Variants in CPQ observed in about 807,000 individuals in gnomAD.
The protein encoded by CPQ is carboxypeptidase Q.
In CPQ, 37 loss-of-function variants were observed where a neutral mutation model predicts 45.7. That is an observed-to-expected ratio of 0.81 (90% CI 0.62 to 1.07). The LOEUF (loss-of-function observed/expected upper bound fraction) is 1.07, where lower values mean the gene tolerates loss of function less well. Ranked by LOEUF, CPQ falls within the 50% of genes least tolerant of loss-of-function variation. The pLI is 0.00. For missense variants in CPQ, 537 were observed against 572.9 expected, an observed-to-expected ratio of 0.94 and a Z score of 0.64; for synonymous variants, 186 against 205.8, an observed-to-expected ratio of 0.90 and a Z score of 0.82.
chr8:96,901,755 C>A (rs1812514395), intron 4 of CPQ, among the ~76,000 whole-genome samples: 1 of 152,140 alleles, frequency 6.6e-6, no homozygotes, highest in Non-Finnish European at 1.5e-5. Flanking sequence ...TCTGTCATTT[C>A]ATAGCCATAG....
intron 1 of CPQ, among the ~76,000 whole-genome samples, chr8:96,782,875 T>C (rs1383562145): frequency 2.0e-5 from 3 of 152,194 alleles, no homozygotes; most frequent in Admixed American, 1.3e-4. Context: ...GGACACACTT[T>C]AGCCAAGTTT....
chr8:96,987,556 G>T (rs1809008524), intron 5 of CPQ, among the ~76,000 whole-genome samples: 1 of 152,170 alleles, frequency 6.6e-6, no homozygotes, highest in African/African-American at 2.4e-5. Flanking sequence ...CAGAAAATCA[G>T]ATGAGAAGTC....
intron 1 of CPQ, among the ~76,000 whole-genome samples, chr8:96,707,687 GA>G: frequency 6.7e-6 from 1 of 150,312 alleles, no homozygotes; most frequent in Non-Finnish European, 1.5e-5. Context: ...ATGAATGAAT[GA>G]ATGATTTTTT....
chr8:97,119,898 T>G (rs1029861685), intron 7 of CPQ, among the ~76,000 whole-genome samples: 1 of 152,130 alleles, frequency 6.6e-6, no homozygotes, highest in African/African-American at 2.4e-5. Flanking sequence ...GCCATTTTAG[T>G]CCATGATCAA....
chr8:96,678,299 A>C (rs1809102108), intron 1 of CPQ, among the ~76,000 whole-genome samples: 1 of 152,104 alleles, frequency 6.6e-6, no homozygotes, highest in African/African-American at 2.4e-5. Flanking sequence ...CCACCTATCC[A>C]TGAGCATGGG....
At chr8:96,862,470 AT>A (rs1168317076) in intron 3 of CPQ, among the ~76,000 whole-genome samples, 5 of 152,060 alleles carry the variant, frequency 3.3e-5, no homozygotes, top group African/African-American at 7.2e-5. Context: ...AATAAAAAAA[AT>A]AATTTGTGAT....
At chr8:96,928,481 A>G (rs1420859392) in intron 4 of CPQ, among the ~76,000 whole-genome samples, 1 of 151,842 alleles carries the variant, frequency 6.6e-6, no homozygotes, top group African/African-American at 2.4e-5. Flanking sequence ...TGTGTTTAGC[A>G]GCAGATAGGC....
chr8:96,660,982 C>G (rs1815694867), intron 1 of CPQ, among the ~76,000 whole-genome samples: 1 of 152,102 alleles, frequency 6.6e-6, no homozygotes, highest in African/African-American at 2.4e-5. Flanking sequence ...TCTTCTTTCA[C>G]TAGCTTTCTG....
At chr8:96,908,559 A>G (rs934034795) in intron 4 of CPQ, among the ~76,000 whole-genome samples, 5 of 152,158 alleles carry the variant, frequency 3.3e-5, no homozygotes, top group African/African-American at 9.7e-5. Context: ...TCAGAGAAAA[A>G]TCTGAAGGCA....
At chr8:96,919,845 A>G (rs1812783970) in intron 4 of CPQ, among the ~76,000 whole-genome samples, 1 of 152,194 alleles carries the variant, frequency 6.6e-6, no homozygotes. Flanking sequence ...AAGTCCAGTT[A>G]GGGTTAAGAT....
At chr8:96,760,833 A>C (rs1810392048) in intron 1 of CPQ, 1 of 152,176 alleles carries the variant, frequency 6.6e-6, no homozygotes, top group Non-Finnish European at 1.5e-5. Context: ...TAATTTCAAA[A>C]TCTATGCAGC....
chr8:96,881,327 G>A (rs1016605624), intron 4 of CPQ, among the ~76,000 whole-genome samples: 7 of 152,142 alleles, frequency 4.6e-5, no homozygotes, highest in African/African-American at 1.7e-4. Context: ...GGCAAAGGGG[G>A]AGTGAGGTGT....
chr8:96,709,818 A>T (rs1190121425), intron 1 of CPQ, among the ~76,000 whole-genome samples: 1 of 152,144 alleles, frequency 6.6e-6, no homozygotes, highest in Non-Finnish European at 1.5e-5. Flanking sequence ...ATTAATGTTC[A>T]TCAGGAATAT....
chr8:96,853,177 G>T (rs528069186), intron 3 of CPQ, among the ~76,000 whole-genome samples: 35 of 152,302 alleles, frequency 2.3e-4, no homozygotes, highest in Middle Eastern at 3.4e-3. Flanking sequence ...GATTTTGTTG[G>T]CCCTCACTTT....
intron 6 of CPQ, among the ~76,000 whole-genome samples, chr8:97,032,831 G>A (rs767247325): frequency 2.0e-5 from 3 of 152,186 alleles, no homozygotes; most frequent in Non-Finnish European, 4.4e-5. Context: ...AAGAAAGTTA[G>A]TATAACAAAC....
At chr8:97,017,658 C>T (rs570654622) in intron 5 of CPQ, among the ~76,000 whole-genome samples, 41 of 152,234 alleles carry the variant, frequency 2.7e-4, no homozygotes, top group South Asian at 1.0e-3. Context: ...CCCTGACAAC[C>T]TGCATTACAC....
chr8:96,832,948 G>A (rs1022285102), intron 2 of CPQ, among the ~76,000 whole-genome samples: 10 of 152,056 alleles, frequency 6.6e-5, no homozygotes, highest in Admixed American at 5.9e-4. Context: ...CTGGCACACC[G>A]GTGGTATGGG....
chr8:96,942,858 G>T (rs1163828011), intron 4 of CPQ, among the ~76,000 whole-genome samples: 2 of 152,136 alleles, frequency 1.3e-5, no homozygotes, highest in Non-Finnish European at 2.9e-5. Flanking sequence ...ATTCAGTTTA[G>T]TGCCTCTTTG....
intron 3 of CPQ, among the ~76,000 whole-genome samples, chr8:96,857,914 G>A (rs995820463): frequency 1.4e-4 from 22 of 152,188 alleles, no homozygotes; most frequent in Non-Finnish European, 5.9e-5. Flanking sequence ...ACTGAGTGTC[G>A]CAGTGAATGG....
Sources: gnomAD v4.1 joint callset for allele counts (sites outside exome capture counted in the v4.1 genomes callset) on GRCh38, gnomAD v4.1.1 for gene constraint, MANE v1.5 for transcripts, NCBI Gene and HGNC (gene_info 2026-07-23, HGNC 2026-07-21) for gene names.